TAFA1: variants seen among roughly 807,000 people sequenced by gnomAD.
TAFA1 encodes the protein TAFA chemokine like family member 1.
Under a neutral mutation model 18.5 loss-of-function variants are expected in TAFA1, and 4 were observed. That is an observed-to-expected ratio of 0.22 (90% CI 0.11 to 0.49). TAFA1 has a LOEUF of 0.49. Ranked by LOEUF, TAFA1 falls within the 20% of genes least tolerant of loss-of-function variation. TAFA1 has a pLI of 0.98. For synonymous variants in TAFA1, 56 were observed against 55.2 expected, an observed-to-expected ratio of 1.01 and a Z score of -0.06; for missense variants, 147 against 169.0, an observed-to-expected ratio of 0.87 and a Z score of 0.72.
At chr3:68,167,347 G>A (rs1245228780) in intron 2 of TAFA1, among the ~76,000 whole-genome samples, 1 of 152,204 alleles carries the variant, frequency 6.6e-6, no homozygotes, top group Non-Finnish European at 1.5e-5. Flanking sequence ...GGAGGCTGAG[G>A]CAGGCGGATC....
chr3:68,501,170 A>C (rs960634280), intron 3 of TAFA1, among the ~76,000 whole-genome samples: 4 of 151,662 alleles, frequency 2.6e-5, no homozygotes, highest in African/African-American at 9.7e-5. Context: ...AAAAAAAAAA[A>C]AAAAAGGGAA....
intron 2 of TAFA1, among the ~76,000 whole-genome samples, chr3:68,098,686 A>G (rs760697361): frequency 1.3e-5 from 2 of 152,134 alleles, no homozygotes; most frequent in East Asian, 1.9e-4. Flanking sequence ...CTATGAGCAT[A>G]TTACTAATAG....
At chr3:68,225,137 T>C (rs1395558583) in intron 2 of TAFA1, among the ~76,000 whole-genome samples, 1 of 151,892 alleles carries the variant, frequency 6.6e-6, no homozygotes, top group Non-Finnish European at 1.5e-5. Flanking sequence ...CTTCAACTCC[T>C]GACCTCGTGA....
intron 2 of TAFA1, among the ~76,000 whole-genome samples, chr3:68,169,430 G>A (rs2066024687): frequency 6.6e-6 from 1 of 152,244 alleles, no homozygotes; most frequent in South Asian, 2.1e-4. Flanking sequence ...ACCTGAACTG[G>A]AGTCTCCTAA....
At chr3:68,449,118 C>T (rs902907466) in intron 3 of TAFA1, among the ~76,000 whole-genome samples, 2 of 152,092 alleles carry the variant, frequency 1.3e-5, no homozygotes, top group African/African-American at 2.4e-5. Flanking sequence ...GATACATCTC[C>T]ACAAAATAGT....
intron 2 of TAFA1, among the ~76,000 whole-genome samples, chr3:68,234,673 C>T (rs749906911): frequency 2.6e-5 from 4 of 152,256 alleles, no homozygotes; most frequent in African/African-American, 9.6e-5. Flanking sequence ...AGAGTCGAGT[C>T]ATCACTACCC....
At chr3:68,352,986 A>G (rs976197572) in intron 2 of TAFA1, among the ~76,000 whole-genome samples, 3 of 152,052 alleles carry the variant, frequency 2.0e-5, no homozygotes, top group Admixed American at 6.6e-5. Flanking sequence ...GAAGAAGCCA[A>G]ATTGACCCAG....
intron 2 of TAFA1, among the ~76,000 whole-genome samples, chr3:68,120,171 C>CTGTTTCTTTCTTTCTT (rs1178876848): frequency 1.2e-5 from 1 of 84,436 alleles, no homozygotes; most frequent in African/African-American, 4.5e-5. Flanking sequence ...CTCTTTCTTT[C>CTGTTTCTTTCTTTCTT]TCTTTCTTTC....
chr3:68,165,631 G>T (rs1297005919), intron 2 of TAFA1, among the ~76,000 whole-genome samples: 1 of 152,234 alleles, frequency 6.6e-6, no homozygotes, highest in African/African-American at 2.4e-5. Context: ...GCATCCTAGA[G>T]TAGAATTTAG....
At chr3:68,396,238 A>G (rs1008349875) in intron 2 of TAFA1, among the ~76,000 whole-genome samples, 7 of 152,106 alleles carry the variant, frequency 4.6e-5, no homozygotes, top group Non-Finnish European at 7.4e-5. Flanking sequence ...TTGAAATGTA[A>G]TATATACTGA....
intron 3 of TAFA1, among the ~76,000 whole-genome samples, chr3:68,478,004 G>A (rs1453512514): frequency 6.6e-6 from 1 of 152,164 alleles, no homozygotes; most frequent in Non-Finnish European, 1.5e-5. Flanking sequence ...TGGAGCCTGT[G>A]CTTTGTCCAG....
chr3:68,444,099 C>T (rs997960234), intron 3 of TAFA1, among the ~76,000 whole-genome samples: 2 of 152,136 alleles, frequency 1.3e-5, no homozygotes, highest in African/African-American at 4.8e-5. Flanking sequence ...TTTTCATCAT[C>T]CTCTATGGCC....
intron 2 of TAFA1, among the ~76,000 whole-genome samples, chr3:68,186,833 T>G (rs1371669247): frequency 6.6e-6 from 1 of 152,060 alleles, no homozygotes; most frequent in Non-Finnish European, 1.5e-5. Context: ...GCTTTTGGGA[T>G]GGCCTTTAAT....
intron 3 of TAFA1, among the ~76,000 whole-genome samples, chr3:68,498,770 G>C (rs1312876686): frequency 8.5e-6 from 1 of 118,262 alleles, no homozygotes; most frequent in Non-Finnish European, 1.6e-5. Flanking sequence ...GAGAGAGAGA[G>C]AAAACTATTT....
At chr3:68,437,719 C>T (rs1330314321) in intron 3 of TAFA1, among the ~76,000 whole-genome samples, 1 of 152,058 alleles carries the variant, frequency 6.6e-6, no homozygotes, top group Non-Finnish European at 1.5e-5. Flanking sequence ...TTAAAGGCCC[C>T]ACCTGTCAAT....
chr3:68,285,884 C>T (rs2067991408), intron 2 of TAFA1, among the ~76,000 whole-genome samples: 1 of 152,118 alleles, frequency 6.6e-6, no homozygotes, highest in Non-Finnish European at 1.5e-5. Flanking sequence ...ACGGCCCAGA[C>T]TTATGAATTA....
chr3:68,295,151 G>T (rs1174894135), intron 2 of TAFA1, among the ~76,000 whole-genome samples: 1 of 151,970 alleles, frequency 6.6e-6, no homozygotes, highest in Non-Finnish European at 1.5e-5. Flanking sequence ...AGGGCCCAGA[G>T]AACTGTAAAA....
At chr3:68,523,770 A>G (rs762492399) in intron 3 of TAFA1, among the ~76,000 whole-genome samples, 6 of 152,094 alleles carry the variant, frequency 3.9e-5, no homozygotes, top group Admixed American at 1.3e-4. Flanking sequence ...CTTTGCATGT[A>G]CTCTTGCTTC....
chr3:68,496,101 C>T (rs1430000268), intron 3 of TAFA1, among the ~76,000 whole-genome samples: 1 of 151,728 alleles, frequency 6.6e-6, no homozygotes, highest in Non-Finnish European at 1.5e-5. Flanking sequence ...AAAGTTGTTC[C>T]CTAGTGAGAC....
Sources: allele counts gnomAD v4.1 joint callset (sites outside exome capture counted in the v4.1 genomes callset), GRCh38; gene constraint gnomAD v4.1.1; transcripts MANE v1.5; gene names NCBI Gene and HGNC (gene_info 2026-07-23, HGNC 2026-07-21).